The following SAMSN1 variants were observed in gnomAD, a reference collection of about 807,000 sequenced individuals.
SAMSN1 encodes the protein SAM domain, SH3 domain and nuclear localization signals 1.
Under a neutral mutation model 42.0 loss-of-function variants are expected in SAMSN1, and 31 were observed. The ratio of observed to expected loss-of-function variants is 0.74; its 90% confidence interval spans 0.55 to 1.00. The LOEUF (loss-of-function observed/expected upper bound fraction) is 1.00. SAMSN1 is among the 50% of genes least tolerant of loss of function. The pLI is 0.00. For synonymous variants in SAMSN1, 178 were observed against 151.9 expected, an observed-to-expected ratio of 1.17 and a Z score of -1.26; for missense variants, 464 against 439.4, an observed-to-expected ratio of 1.06 and a Z score of -0.50.
intron 5 of SAMSN1, among the ~76,000 whole-genome samples, chr21:14,605,305 C>T (rs1279762827): frequency 6.6e-6 from 1 of 152,164 alleles, no homozygotes; most frequent in Non-Finnish European, 1.5e-5. Flanking sequence ...AAGCCTTCCT[C>T]GGCTATATGA....
At chr21:14,574,931 C>T (rs1028707397) in intron 2 of SAMSN1, among the ~76,000 whole-genome samples, 5 of 152,046 alleles carry the variant, frequency 3.3e-5, no homozygotes, top group Non-Finnish European at 5.9e-5. Flanking sequence ...TTTTTTCAGG[C>T]TTATTTTATA....
chr21:14,635,474 C>A (rs772654172), intron 2 of SAMSN1, among the ~76,000 whole-genome samples: 1 of 152,180 alleles, frequency 6.6e-6, no homozygotes, highest in Non-Finnish European at 1.5e-5. Flanking sequence ...GTCAAACACT[C>A]CACTATACCT....
chr21:14,616,058 TAA>T (rs973206342), intron 2 of SAMSN1: 1 of 556,934 alleles, frequency 1.8e-6, no homozygotes, highest in African/African-American at 1.9e-5. Flanking sequence ...ATAAATAACA[TAA>T]AATAAGACAA....
At chr21:14,515,557 G>A (rs1987878686) in intron 3 of SAMSN1, among the ~76,000 whole-genome samples, 1 of 151,888 alleles carries the variant, frequency 6.6e-6, no homozygotes, top group Non-Finnish European at 1.5e-5. Flanking sequence ...GAAAACATGG[G>A]AATAAATCTT....
chr21:14,504,589 A>C (rs908319216), intron 5 of SAMSN1, among the ~76,000 whole-genome samples: 1 of 152,220 alleles, frequency 6.6e-6, no homozygotes, highest in Non-Finnish European at 1.5e-5. Context: ...CAAAGCCTCC[A>C]AGAAGTCTGG....
At chr21:14,611,698 G>A (rs1372905753) in intron 4 of SAMSN1, among the ~76,000 whole-genome samples, 1 of 152,186 alleles carries the variant, frequency 6.6e-6, no homozygotes, top group Non-Finnish European at 1.5e-5. Flanking sequence ...AGTGACTGCA[G>A]GACCCTGATA....
At chr21:14,648,966 C>A (rs1400833423) in intron 1 of SAMSN1, among the ~76,000 whole-genome samples, 2 of 151,690 alleles carry the variant, frequency 1.3e-5, no homozygotes, top group East Asian at 3.9e-4. Context: ...AAGACACATG[C>A]ACACGTATGT....
chr21:14,574,292 A>G (rs913579160), intron 2 of SAMSN1, among the ~76,000 whole-genome samples: 1 of 152,204 alleles, frequency 6.6e-6, no homozygotes, highest in Non-Finnish European at 1.5e-5. Context: ...GTTATACTTG[A>G]TTATCATGGA....
chr21:14,616,445 G>A (rs1982839831), intron 2 of SAMSN1, among the ~76,000 whole-genome samples: 1 of 152,256 alleles, frequency 6.6e-6, no homozygotes, highest in East Asian at 1.9e-4. Flanking sequence ...GTATCATAGA[G>A]TGCCTTCATT....
chr21:14,595,035 C>T (rs1056674676), intron 6 of SAMSN1, among the ~76,000 whole-genome samples: 9 of 151,998 alleles, frequency 5.9e-5, no homozygotes, highest in Non-Finnish European at 7.4e-5. Context: ...AGAATGAAGG[C>T]GGAGGGGCTA....
At chr21:14,643,280 C>G (rs1242175592) in intron 1 of SAMSN1, 5 of 557,848 alleles carry the variant, frequency 9.0e-6, no homozygotes, top group Non-Finnish European at 1.6e-5. Context: ...TGCTAACTTT[C>G]AACAGTGAAC....
rs373910452 is a variant in SAMSN1, at chr21:14,522,863, G to A, written c.58-1642C>T. 1.7e-4 allele frequency among the ~76,000 whole-genome samples: 26 copies of A among 152,222 alleles called. 2 individuals carry two copies. Among genetic ancestry groups the A allele is most frequent in the Admixed American group, 1.5e-3 (23 of 15,274 alleles). On this transcript the variant is annotated intron_variant, in intron 1 of 7. Coordinates refer to ENST00000400566, the MANE Select transcript of SAMSN1 (RefSeq NM_022136.5). ...AACTCAGGGCACAAGGCAGGAACCA[G>A]CCCTGGACAGGGTGCTGCTCCAACG... is the stretch of plus-strand genomic sequence containing the variant.
chr21:14,525,354 G>A (rs931145874), intron 1 of SAMSN1, among the ~76,000 whole-genome samples: 1 of 152,132 alleles, frequency 6.6e-6, no homozygotes, highest in Non-Finnish European at 1.5e-5. Context: ...CATGTTAAAT[G>A]TTACCAAGAA....
chr21:14,510,229 C>T (rs1161561112), intron 5 of SAMSN1, 81 bp downstream of exon 5: 4 of 1,345,774 alleles, frequency 3.0e-6, no homozygotes, highest in South Asian at 2.5e-5. Flanking sequence ...ACTGTCTTCC[C>T]ACTGCTTATA....
At chr21:14,653,511 C>G (rs1325184486) in intron 1 of SAMSN1, among the ~76,000 whole-genome samples, 4 of 151,816 alleles carry the variant, frequency 2.6e-5, no homozygotes, top group African/African-American at 9.7e-5. Context: ...AGAGTAATGG[C>G]ATTCTGGGAG....
rs374788835 is a variant in SAMSN1 at position 14,599,261 on chromosome 21, G to T, written c.399+2762C>A. Among the ~76,000 whole-genome samples the T allele has an allele frequency of 7.4e-4, 112 of 152,214 alleles. 1 individual carries two copies. In the South Asian group the frequency reaches 7.9e-3, roughly 11 times the overall value. On this transcript the variant is annotated intron_variant, in intron 6 of 15. Transcript: ENST00000647101. ...GGGCGGGATCAGATGGAGGTAACTG[G>T]ATCATGGAGGCAGTTTCCCCCATGC...
intron 3 of SAMSN1, among the ~76,000 whole-genome samples, chr21:14,515,497 C>A (rs940777633): frequency 1.3e-5 from 2 of 152,106 alleles, no homozygotes; most frequent in Non-Finnish European, 2.9e-5. Context: ...GTAAAATTAT[C>A]TTGAAATAAA....
chr21:14,582,429 C>CT, exon 2 of SAMSN1: 1 of 1,542,558 alleles, frequency 6.5e-7, no homozygotes, highest in Non-Finnish European at 8.8e-7. Context: ...ACACTATTCA[C>CT]TTTCTTTTCT....
exon 2 of SAMSN1, chr21:14,582,475 G>T: frequency 8.4e-7 from 1 of 1,189,668 alleles, no homozygotes; most frequent in Non-Finnish European, 1.2e-6. Flanking sequence ...AAATCAACGT[G>T]TCATCTTCAT....
Sources: gnomAD v4.1 joint callset for allele counts (sites outside exome capture counted in the v4.1 genomes callset) on GRCh38, gnomAD v4.1.1 for gene constraint, MANE v1.5 for transcripts, NCBI Gene and HGNC (gene_info 2026-07-23, HGNC 2026-07-21) for gene names.